STAG1: variants seen among roughly 807,000 people sequenced by gnomAD.
The protein encoded by STAG1 is cohesin subunit SA-1.
A neutral mutation model predicts 170.9 loss-of-function variants in STAG1; 26 were observed. The observed-to-expected ratio is 0.15, with a 90% CI of 0.11 to 0.21. The LOEUF (loss-of-function observed/expected upper bound fraction) is 0.21. Among genes scored for constraint, STAG1 ranks in the 10% least tolerant of loss-of-function variants. The probability of loss-of-function intolerance (pLI) is 1.00; values close to 1 mark genes in which losing one functional copy is unlikely to be tolerated. For synonymous variants in STAG1, 514 were observed against 497.7 expected, an observed-to-expected ratio of 1.03 and a Z score of -0.44; for missense variants, 964 against 1,509.5, an observed-to-expected ratio of 0.64 and a Z score of 5.99.
At chr3:136,626,668 G>GA (rs759513805) in intron 2 of STAG1, among the ~76,000 whole-genome samples, 187 of 152,296 alleles carry the variant, frequency 1.2e-3, no homozygotes, top group Non-Finnish European at 2.0e-3. Flanking sequence ...AAAGAACAAT[G>GA]AATCATACTG....
intron 5 of STAG1, among the ~76,000 whole-genome samples, chr3:136,559,562 T>C (rs1247628532): frequency 6.6e-6 from 1 of 152,168 alleles, no homozygotes; most frequent in Non-Finnish European, 1.5e-5. Flanking sequence ...TCCCGGTCAG[T>C]CACTTGTTAA....
chr3:136,729,469 C>A (rs1346829293), intron 1 of STAG1, among the ~76,000 whole-genome samples: 6 of 151,506 alleles, frequency 4.0e-5, no homozygotes, highest in African/African-American at 1.5e-4. Flanking sequence ...TAATATGATT[C>A]TTTAACACAG....
chr3:136,340,311 G>A (rs1417083644), intron 32 of STAG1, among the ~76,000 whole-genome samples, 180 bp downstream of exon 32: 2 of 152,046 alleles, frequency 1.3e-5, no homozygotes, highest in Non-Finnish European at 2.9e-5. Context: ...TAGTAGAGAC[G>A]GGGTTTCTCC....
chr3:136,420,888 C>G (rs11915629), intron 20 of STAG1, among the ~76,000 whole-genome samples: 58,964 of 152,152 alleles, frequency 0.39, 13,643 homozygotes, highest in East Asian at 0.8. Context: ...GATTCTCCTG[C>G]TTCTCCTGCC....
intron 1 of STAG1, among the ~76,000 whole-genome samples, chr3:136,735,728 T>C (rs1934295839): frequency 6.6e-6 from 1 of 152,158 alleles, no homozygotes; most frequent in South Asian, 2.1e-4. Context: ...TTCCCCTGCC[T>C]CAGCCTCCTG....
chr3:136,415,031 A>T (rs1408188196), intron 21 of STAG1, among the ~76,000 whole-genome samples: 1 of 152,230 alleles, frequency 6.6e-6, no homozygotes, highest in Non-Finnish European at 1.5e-5. Context: ...AACAATTACA[A>T]TAGAACATCA....
chr3:136,505,026 T>A (rs1258707682), intron 7 of STAG1, among the ~76,000 whole-genome samples: 1 of 152,182 alleles, frequency 6.6e-6, no homozygotes, highest in African/African-American at 2.4e-5. Flanking sequence ...AAACTGAGAC[T>A]TCATTGAATA....
chr3:136,357,245 G>A lies in STAG1; in HGVS notation c.3065+475C>T, dbSNP rs566119148. Among the ~76,000 whole-genome samples the A allele has an allele frequency of 1.2e-4, 18 of 152,138 alleles. No individual in the cohort carries two copies. The South Asian group carries it at 3.7e-3, about 32-fold the overall frequency. ...TTACAGGTGTGAGCCACCATGCCCA[G>A]CCTAGAAGTTTTCTGGTTTGGTTTT... On this transcript the variant is annotated intron_variant, in intron 28 of 33. Transcript: ENST00000383202.
chr3:136,708,775 A>G (rs999508760), intron 1 of STAG1, among the ~76,000 whole-genome samples: 1 of 152,080 alleles, frequency 6.6e-6, no homozygotes, highest in African/African-American at 2.4e-5. Flanking sequence ...CTCCCATCCC[A>G]TTCGTCAACA....
At chr3:136,553,532 T>C (rs1936490091) in intron 5 of STAG1, among the ~76,000 whole-genome samples, 1 of 152,194 alleles carries the variant, frequency 6.6e-6, no homozygotes, top group Non-Finnish European at 1.5e-5. Flanking sequence ...TCCCAGCACT[T>C]TGGGAGGCCA....
At chr3:136,446,970 A>G (rs762873524) in intron 14 of STAG1, among the ~76,000 whole-genome samples, 23 of 149,232 alleles carry the variant, frequency 1.5e-4, no homozygotes, top group African/African-American at 3.7e-4. Flanking sequence ...CACCCTGCTA[A>G]TTTTTGTATT....
At chr3:136,560,821 C>T (rs1245440608) in intron 5 of STAG1, among the ~76,000 whole-genome samples, 1 of 152,190 alleles carries the variant, frequency 6.6e-6, no homozygotes, top group African/African-American at 2.4e-5. Context: ...AATAGGGATA[C>T]TGGAGCCAAT....
intron 1 of STAG1, among the ~76,000 whole-genome samples, chr3:136,735,770 G>A (rs1576830142): frequency 1.3e-5 from 2 of 152,070 alleles, no homozygotes. Flanking sequence ...TCGCCACCAC[G>A]CCCAGCTAAT....
intron 1 of STAG1, among the ~76,000 whole-genome samples, chr3:136,711,905 A>AT (rs2107919343): frequency 6.6e-6 from 1 of 152,376 alleles, no homozygotes; most frequent in South Asian, 2.1e-4. Context: ...AAATTTATAG[A>AT]TGATGTGAAT....
chr3:136,557,433 G>T (rs1693486205), intron 5 of STAG1, among the ~76,000 whole-genome samples: 1 of 152,112 alleles, frequency 6.6e-6, no homozygotes, highest in African/African-American at 2.4e-5. Context: ...AAATTTGAAG[G>T]ACTAACCTAT....
At chr3:136,613,077 C>A (rs925148859) in intron 3 of STAG1, among the ~76,000 whole-genome samples, 2 of 151,750 alleles carry the variant, frequency 1.3e-5, no homozygotes, top group African/African-American at 4.8e-5. Context: ...CCGAGGTGGG[C>A]GGATCACGAG....
At chr3:136,588,964 T>C (rs1009235793) in intron 4 of STAG1, among the ~76,000 whole-genome samples, 3 of 152,140 alleles carry the variant, frequency 2.0e-5, no homozygotes, top group African/African-American at 2.4e-5. Context: ...GGTTTCACTA[T>C]GTTGGCCATG....
At chr3:136,387,280 T>C (rs1427268287) in intron 22 of STAG1, among the ~76,000 whole-genome samples, 1 of 152,178 alleles carries the variant, frequency 6.6e-6, no homozygotes, top group Non-Finnish European at 1.5e-5. Flanking sequence ...ATGGTTGTGT[T>C]CCAATAAAAC....
intron 21 of STAG1, among the ~76,000 whole-genome samples, chr3:136,399,133 GAAATTATTTTTA>G (rs1364856962): frequency 1.3e-5 from 2 of 152,050 alleles, no homozygotes; most frequent in Non-Finnish European, 2.9e-5. Context: ...GGAGACTGAT[GAAATTATTTTTA>G]TCCAAATTTT....
Sources: allele counts gnomAD v4.1 joint callset (sites outside exome capture counted in the v4.1 genomes callset), GRCh38; gene constraint gnomAD v4.1.1; transcripts MANE v1.5; gene names NCBI Gene and HGNC (gene_info 2026-07-23, HGNC 2026-07-21).